GCNT1: variants seen among roughly 807,000 people sequenced by gnomAD.
The protein encoded by GCNT1 is beta-1,3-galactosyl-O-glycosyl-glycoprotein beta-1,6-N-acetylglucosaminyltransferase.
Under a neutral mutation model 26.2 loss-of-function variants are expected in GCNT1, and 16 were observed. The observed-to-expected ratio is 0.61, with a 90% CI of 0.41 to 0.93. The LOEUF (loss-of-function observed/expected upper bound fraction) is 0.93. GCNT1 is among the 40% of genes least tolerant of loss of function. GCNT1 has a pLI of 0.00. For missense variants in GCNT1, 477 were observed against 526.7 expected (o/e 0.91, Z 0.92); for synonymous variants, 183 against 190.8 (o/e 0.96, Z 0.34).
chr9:76,450,335 A>G (rs2131586658), intron 1 of GCNT1, among the ~76,000 whole-genome samples: 1 of 152,296 alleles, frequency 6.6e-6, no homozygotes, highest in South Asian at 2.1e-4. Context: ...TATTTGTATG[A>G]GTCATGATTT....
rs745961385 is a variant in GCNT1, at chr9:76,504,229, A to C, written c.*561A>C. 8.3e-5 allele frequency: 14 copies of C among 168,614 alleles called. No homozygotes were observed. The highest frequency in any genetic ancestry group is 3.3e-3 in the Middle Eastern group (1 of 300). 10.4% of individuals were successfully genotyped at this position (168,614 alleles called of 1,614,324 possible). A position where few individuals can be genotyped will look rare whatever the true frequency, so the allele number is the denominator to read the frequency against. On this transcript the variant is annotated 3_prime_UTR_variant, in exon 4 of 4. Transcript: ENST00000376730. The stretch of plus-strand genomic sequence containing the variant: ...GTAGTGTGTCTCCGTATGTCATCTC[A>C]GGGAGCTTAAAATGGGCTTGATTTA...
intron 2 of GCNT1, among the ~76,000 whole-genome samples, chr9:76,469,048 A>G (rs1413231840): frequency 6.6e-6 from 1 of 152,212 alleles, no homozygotes; most frequent in Non-Finnish European, 1.5e-5. Flanking sequence ...ATTAGTCTTT[A>G]CAATTGATTG....
At chr9:76,420,391 A>G (rs1228461562) in intron 1 of GCNT1, among the ~76,000 whole-genome samples, 1 of 151,998 alleles carries the variant, frequency 6.6e-6, no homozygotes, top group Non-Finnish European at 1.5e-5. Context: ...CTCCTCCCTT[A>G]GCCTCCCGAG....
intron 2 of GCNT1, among the ~76,000 whole-genome samples, chr9:76,493,544 G>A (rs531193522): frequency 6.6e-6 from 1 of 152,288 alleles, no homozygotes; most frequent in South Asian, 2.1e-4. Flanking sequence ...TACCTGGGTT[G>A]GGCCAAATTC....
intron 1 of GCNT1, among the ~76,000 whole-genome samples, chr9:76,448,990 C>T (rs1823621017): frequency 6.6e-6 from 1 of 151,904 alleles, no homozygotes; most frequent in Non-Finnish European, 1.5e-5. Flanking sequence ...TATGTTTTTC[C>T]AAAATGGAAA....
intron 2 of GCNT1, among the ~76,000 whole-genome samples, chr9:76,469,998 A>C (rs1824094945): frequency 6.6e-6 from 1 of 152,104 alleles, no homozygotes. Context: ...ACAGTAGTAG[A>C]TACATAGAAT....
chr9:76,409,850 A>T, the GCNT1 span, among the ~76,000 whole-genome samples: 1 of 151,926 alleles, frequency 6.6e-6, no homozygotes, highest in Non-Finnish European at 1.5e-5. Flanking sequence ...GGAAGCTTAG[A>T]TGACTGATTT....
intron 2 of GCNT1, among the ~76,000 whole-genome samples, chr9:76,476,705 C>T (rs1039738995): frequency 1.3e-5 from 2 of 152,122 alleles, no homozygotes; most frequent in South Asian, 4.1e-4. Context: ...ATACTTTAAG[C>T]AAATTGGGGT....
intron 1 of GCNT1, among the ~76,000 whole-genome samples, chr9:76,428,291 T>TAAAAAAAAAAAAAAAAAAAAAAAA (rs1564220598): frequency 1.3e-5 from 1 of 77,028 alleles, no homozygotes; most frequent in African/African-American, 4.7e-5. Context: ...AAAAAAAAAC[T>TAAAAAAAAAAAAAAAAAAAAAAAA]TAAAAAAAAA....
rs537318977 is a variant in GCNT1, at chr9:76,469,699, G to A, written c.-290+9522G>A. Reference sequence around the variant, plus strand: ...GTGTCCGCTGTGCTCCTGATCCAGCGAGGCGCCCATTGCCGCTCCCGATCG... The same window carrying A: ...GTGTCCGCTGTGCTCCTGATCCAGCAAGGCGCCCATTGCCGCTCCCGATCG... On this transcript the variant is annotated intron_variant, in intron 2 of 3. Transcript: ENST00000376730. Among the ~76,000 whole-genome samples the A allele has an allele frequency of 8.9e-4, 135 of 152,292 alleles. 1 individual carries two copies. The highest frequency in any genetic ancestry group is 1.5e-3 in the Non-Finnish European group (100 of 68,032).
At chr9:76,445,075 G>A (rs1823553464) in intron 1 of GCNT1, among the ~76,000 whole-genome samples, 1 of 152,206 alleles carries the variant, frequency 6.6e-6, no homozygotes, top group Non-Finnish European at 1.5e-5. Context: ...AATTAGGGCA[G>A]TAGCTAAGGA....
chr9:76,488,478 CT>C (rs903164233), intron 2 of GCNT1, among the ~76,000 whole-genome samples: 3 of 152,076 alleles, frequency 2.0e-5, no homozygotes, highest in African/African-American at 7.2e-5. Context: ...TCTTCCAACC[CT>C]TTTATTGAGT....
intron 2 of GCNT1, among the ~76,000 whole-genome samples, chr9:76,488,895 T>C (rs971535942): frequency 7.9e-5 from 12 of 152,240 alleles, no homozygotes; most frequent in Non-Finnish European, 1.5e-5. Flanking sequence ...GTTCTAGTCA[T>C]CTATTGCTAT....
the GCNT1 span, among the ~76,000 whole-genome samples, chr9:76,412,158 T>A: frequency 6.6e-6 from 1 of 152,332 alleles, no homozygotes; most frequent in Non-Finnish European, 1.5e-5. Context: ...TTCCCTCCTG[T>A]CTCTGGTATT....
upstream of GCNT1, among the ~76,000 whole-genome samples, chr9:76,419,470 G>T (rs550237465): frequency 9.9e-5 from 15 of 152,284 alleles, no homozygotes; most frequent in East Asian, 2.7e-3. Flanking sequence ...AGGGGTTCAA[G>T]ACCACCTGAG....
rs193256923 is a variant in GCNT1 at position 76,428,557 on chromosome 9, A to G, written n.38+8670A>G. 3.3e-5 allele frequency among the ~76,000 whole-genome samples: 5 copies of G among 152,138 alleles called. No homozygotes were observed. The East Asian group carries it at 9.7e-4, about 29-fold the overall frequency. On this transcript the variant is annotated intron_variant and non_coding_transcript_variant, in intron 1 of 3. Transcript: ENST00000488136. Reference sequence around the variant, plus strand: ...AGAACATTATAGATCCAGTTAAATAATCTTTGTGCCCCTCCCCAATGGTAT... The same window carrying G: ...AGAACATTATAGATCCAGTTAAATAGTCTTTGTGCCCCTCCCCAATGGTAT...
chr9:76,427,071 T>C (rs1367846422), intron 1 of GCNT1, among the ~76,000 whole-genome samples: 1 of 152,032 alleles, frequency 6.6e-6, no homozygotes, highest in Non-Finnish European at 1.5e-5. Flanking sequence ...ATGACTAGTA[T>C]CCTTATATGA....
At chr9:76,461,198 T>A in intron 2 of GCNT1, among the ~76,000 whole-genome samples, 1 of 101,576 alleles carries the variant, frequency 9.8e-6, no homozygotes, top group Non-Finnish European at 2.8e-5. Flanking sequence ...AGGCAGCTTT[T>A]TTTTTTTTTT....
chr9:76,483,686 G>C (rs1824485276), intron 2 of GCNT1, among the ~76,000 whole-genome samples: 1 of 151,238 alleles, frequency 6.6e-6, no homozygotes. Context: ...GCCTCCCAAA[G>C]TGCTACGATA....
Sources: gnomAD v4.1 joint callset for allele counts (sites outside exome capture counted in the v4.1 genomes callset) on GRCh38, gnomAD v4.1.1 for gene constraint, MANE v1.5 for transcripts, NCBI Gene and HGNC (gene_info 2026-07-23, HGNC 2026-07-21) for gene names.